Variants in TTLL7 observed in about 807,000 individuals in gnomAD.
The protein encoded by TTLL7 is tubulin polyglutamylase TTLL7.
Under a neutral mutation model 120.2 loss-of-function variants are expected in TTLL7, and 53 were observed. The observed-to-expected ratio is 0.44, with a 90% confidence interval of 0.35 to 0.55. TTLL7 has a LOEUF of 0.55. Ranked by LOEUF, TTLL7 falls within the 20% of genes least tolerant of loss-of-function variation. The pLI, the probability that TTLL7 is intolerant of heterozygous loss-of-function variation, is 0.00. For missense variants in TTLL7, 803 were observed against 1,054.7 expected, an observed-to-expected ratio of 0.76 and a Z score of 3.31; for synonymous variants, 353 against 351.7, an observed-to-expected ratio of 1.00 and a Z score of -0.04.
intron 19 of TTLL7, among the ~76,000 whole-genome samples, chr1:83,884,702 A>G (rs920119422): frequency 1.6e-5 from 2 of 126,006 alleles, no homozygotes; most frequent in Non-Finnish European, 3.1e-5. Context: ...GAAGGGGAAC[A>G]TCGCACTCTG....
At chr1:83,892,729 C>CACATATATGAGCACATATGTGA (rs1655781210) in intron 18 of TTLL7, among the ~76,000 whole-genome samples, 109 of 32,966 alleles carry the variant, frequency 3.3e-3, no homozygotes, top group Middle Eastern at 0.022. Context: ...TATATGTGAA[C>CACATATATGAGCACATATGTGA]ACATATATAT....
chr1:83,964,197 C>T (rs1415255932), intron 1 of TTLL7, among the ~76,000 whole-genome samples: 1 of 152,018 alleles, frequency 6.6e-6, no homozygotes, highest in Non-Finnish European at 1.5e-5. Context: ...TTCCAAACCC[C>T]ACTCCAAATC....
intron 8 of TTLL7, among the ~76,000 whole-genome samples, chr1:83,937,423 G>A (rs1054206884): frequency 1.3e-5 from 2 of 151,998 alleles, no homozygotes; most frequent in Admixed American, 6.6e-5. Context: ...GGCTGGTCTC[G>A]AACTCCTGAC....
intron 1 of TTLL7, among the ~76,000 whole-genome samples, chr1:83,959,386 T>C (rs934361937): frequency 1.3e-5 from 2 of 152,220 alleles, no homozygotes; most frequent in Non-Finnish European, 2.9e-5. Context: ...CACAGCAATG[T>C]GGGTGACTTA....
intron 1 of TTLL7, chr1:83,979,105 G>A (rs763837960): frequency 3.3e-5 from 5 of 152,188 alleles, no homozygotes; most frequent in African/African-American, 4.8e-5. Flanking sequence ...ACCAGTTCAC[G>A]AAGACCATGG....
chr1:83,900,991 T>C (rs1656672671), intron 18 of TTLL7, among the ~76,000 whole-genome samples: 1 of 152,050 alleles, frequency 6.6e-6, no homozygotes. Flanking sequence ...CTGAAATCCA[T>C]AAGTTGTCTT....
chr1:83,930,154 A>T (rs1001131365), intron 9 of TTLL7, among the ~76,000 whole-genome samples: 5 of 152,128 alleles, frequency 3.3e-5, no homozygotes, highest in Non-Finnish European at 5.9e-5. Context: ...ACTACTTAAC[A>T]CTTAGTGTCG....
intron 14 of TTLL7, among the ~76,000 whole-genome samples, chr1:83,913,442 C>T (rs1657844987): frequency 6.6e-6 from 1 of 152,094 alleles, no homozygotes; most frequent in South Asian, 2.1e-4. Flanking sequence ...TGGTGGAAAG[C>T]TATTATTTCT....
chr1:83,971,046 T>C (rs1171491379), intron 1 of TTLL7, among the ~76,000 whole-genome samples: 1 of 151,958 alleles, frequency 6.6e-6, no homozygotes, highest in Non-Finnish European at 1.5e-5. Flanking sequence ...AGCAAAGGCC[T>C]GCAGACTCAA....
At chr1:83,947,482 A>G (rs1314402098) in intron 5 of TTLL7, 200 bp from the exon 6 acceptor site, 1 of 463,852 alleles carries the variant, frequency 2.2e-6, no homozygotes, top group Non-Finnish European at 3.7e-6. Flanking sequence ...TGGATTCATC[A>G]GTGAAAAAAA....
At chr1:83,923,985 G>A (rs1457533270) in intron 10 of TTLL7, among the ~76,000 whole-genome samples, 1 of 152,090 alleles carries the variant, frequency 6.6e-6, no homozygotes, top group East Asian at 1.9e-4. Context: ...GAAGTTCTAT[G>A]AGCTTGTTTT....
chr1:83,906,044 ATTT>A (rs1657173282), intron 17 of TTLL7, among the ~76,000 whole-genome samples: 4 of 152,092 alleles, frequency 2.6e-5, no homozygotes, highest in Admixed American at 6.6e-5. Flanking sequence ...AACAATAATT[ATTT>A]AACACTAATT....
intron 1 of TTLL7, among the ~76,000 whole-genome samples, chr1:83,997,262 G>A (rs1653567846): frequency 3.3e-5 from 5 of 152,130 alleles, no homozygotes. Context: ...TAGAGATAAT[G>A]AGCATCTGTA....
At chr1:83,877,998 C>A (rs1654083925) in intron 20 of TTLL7, among the ~76,000 whole-genome samples, 1 of 151,786 alleles carries the variant, frequency 6.6e-6, no homozygotes. Context: ...CCATATTCTA[C>A]AAGTTTCATT....
At chr1:83,990,244 C>T (rs1007430329) in intron 1 of TTLL7, among the ~76,000 whole-genome samples, 27 of 147,478 alleles carry the variant, frequency 1.8e-4, no homozygotes, top group African/African-American at 6.0e-4. Flanking sequence ...GGCGCAATCT[C>T]GGCTCACTGC....
At chr1:83,996,338 A>T (rs1258535571) in intron 1 of TTLL7, among the ~76,000 whole-genome samples, 2 of 152,352 alleles carry the variant, frequency 1.3e-5, no homozygotes, top group Non-Finnish European at 1.5e-5. Flanking sequence ...AATGTAAGAA[A>T]GAGAAATGAT....
intron 14 of TTLL7, among the ~76,000 whole-genome samples, chr1:83,914,371 C>T (rs1273016043): frequency 6.8e-5 from 8 of 118,374 alleles, no homozygotes; most frequent in African/African-American, 2.2e-4. Flanking sequence ...CTTGCTCTGT[C>T]GCCAAGCCAG....
At chr1:83,908,850 C>A (rs1434778668) in intron 15 of TTLL7, among the ~76,000 whole-genome samples, 1 of 151,496 alleles carries the variant, frequency 6.6e-6, no homozygotes, top group Admixed American at 6.6e-5. Context: ...TAGACATAAG[C>A]CTTATATTTA....
chr1:83,893,896 G>C (rs1655999543), intron 18 of TTLL7, among the ~76,000 whole-genome samples: 1 of 151,986 alleles, frequency 6.6e-6, no homozygotes, highest in South Asian at 2.1e-4. Flanking sequence ...TAATAAAGTA[G>C]TGTGTGAAAA....
Sources: gnomAD v4.1 joint callset for allele counts (sites outside exome capture counted in the v4.1 genomes callset) on GRCh38, gnomAD v4.1.1 for gene constraint, MANE v1.5 for transcripts, NCBI Gene and HGNC (gene_info 2026-07-23, HGNC 2026-07-21) for gene names.